PEAK3: variants seen among roughly 807,000 people sequenced by gnomAD.
PEAK3 encodes the protein PEAK family member 3.
In PEAK3, 15 loss-of-function variants were observed where a neutral mutation model predicts 13.3. The ratio of observed to expected loss-of-function variants is 1.13; its 90% CI spans 0.75 to 1.73. The LOEUF (loss-of-function observed/expected upper bound fraction) is 1.73, where lower values mean the gene tolerates loss of function less well. Among genes scored for constraint, PEAK3 ranks in the 40% most tolerant of loss-of-function variants. PEAK3 has a pLI of 0.00. For missense variants in PEAK3, 739 were observed against 690.2 expected (o/e 1.07, Z -0.79); for synonymous variants, 347 against 341.9 (o/e 1.01, Z -0.17).
chr19:2,277,225 G>A (rs1019977756), intron 3 of PEAK3, among the ~76,000 whole-genome samples: 1 of 152,162 alleles, frequency 6.6e-6, no homozygotes, highest in Admixed American at 6.5e-5. Context: ...ATTCCCCAGT[G>A]TTGGAGGTGG....
At position 2,275,763 on chromosome 19, in the gene PEAK3, G is replaced by C. The variant is rs1339272035; in HGVS notation, c.1339C>G (p.Leu447Val). The part of the protein sequence containing the change: ...ERAAGGEAPS[L>V]EDWLCCEYLA... ...TATTCGCAACACAGCCAGTCCTCGA[G>C]GCTGGGAGCTTCCCCACCTGCGGCC... is the stretch of plus-strand genomic sequence containing the variant. Residue 447 changes from leucine to valine, a missense_variant, in exon 4 of 4, where the codon CTC becomes GTC. Transcript: ENST00000342063. The C allele has an allele frequency of 3.2e-6, 5 of 1,584,514 alleles. No homozygotes were observed. Among genetic ancestry groups the C allele is most frequent in the Non-Finnish European group, 4.3e-6 (5 of 1,168,772 alleles).
chr19:2,279,525 G>T (rs1030855328), intron 2 of PEAK3, among the ~76,000 whole-genome samples: 18 of 151,908 alleles, frequency 1.2e-4, no homozygotes, highest in Admixed American at 7.9e-4. Context: ...GCTTGGTGGT[G>T]GGCGCCTGTG....
chr19:2,280,053 C>CTTTT lies in PEAK3; in HGVS notation c.82+793_82+796dup, dbSNP rs34177687. Among the ~76,000 whole-genome samples, 6 of 36,846 alleles carry CTTTT rather than the reference C, an allele frequency of 1.6e-4. 2 individuals carry two copies. Among genetic ancestry groups the CTTTT allele is most frequent in the African/African-American group, 7.9e-4 (6 of 7,622 alleles). The allele number at this position is 36,846 out of a possible 152,430, so 24.2% of individuals were successfully genotyped here. On this transcript the variant is annotated intron_variant, in intron 2 of 3. Coordinates refer to ENST00000342063, the MANE Select transcript of PEAK3 (RefSeq NM_198532.3). The stretch of plus-strand genomic sequence containing the variant: ...ACAGGCTTGAACCATTGCACCTGGC[C>CTTTT]TTTTTTTTTTTTTTTTTTTTTTTTT...
At chr19:2,277,124 A>G (rs2025397468) in intron 3 of PEAK3, among the ~76,000 whole-genome samples, 1 of 152,156 alleles carries the variant, frequency 6.6e-6, no homozygotes, top group African/African-American at 2.4e-5. Context: ...CTTTAGAAAC[A>G]TGGTTTCCTG....
chr19:2,275,759 T>C lies in PEAK3; in HGVS notation c.1343A>G (p.Glu448Gly). ...RAAGGEAPSLEDWLCCEYLAE... is the reference protein window; with the variant it reads ...RAAGGEAPSLGDWLCCEYLAE... ...CAGGTATTCGCAACACAGCCAGTCC[T>C]CGAGGCTGGGAGCTTCCCCACCTGC... Residue 448 changes from glutamate (E) to glycine (G), a missense_variant, in exon 4 of 4, where the codon GAG becomes GGG. By Grantham distance (98) the Glu-to-Gly change is moderately conservative (BLOSUM62 -2). Transcript: ENST00000342063. 1 of 1,584,332 alleles carries C rather than the reference T, an allele frequency of 6.3e-7. No individual in the cohort carries two copies. The highest frequency in any genetic ancestry group is 8.6e-7 in the Non-Finnish European group (1 of 1,168,360).
Position 2,278,611 on chromosome 19 carries a change from C to G in PEAK3, c.585G>C (p.Glu195Asp), listed in dbSNP as rs767531722. Reference sequence around the variant, plus strand: ...TGGCGACCAGGATGTGCCAGGCGTCCTCGTGCGCGCGCACCACGCGGTAAT... The same window carrying G: ...TGGCGACCAGGATGTGCCAGGCGTCGTCGTGCGCGCGCACCACGCGGTAAT... ...ALYYRVVRAHEDAWHILVAKV... is the reference protein window; with the variant it reads ...ALYYRVVRAHDDAWHILVAKV... Residue 195 changes from glutamate to aspartate, a missense_variant, in exon 3 of 4, where the codon GAG becomes GAC. Physicochemically the swap from Glu to Asp is conservative, Grantham distance 45 (BLOSUM62 2). Transcript: ENST00000342063. 1 of 1,486,792 alleles carries G rather than the reference C, an allele frequency of 6.7e-7. No homozygotes were observed. The highest frequency in any genetic ancestry group is 8.9e-7 in the Non-Finnish European group (1 of 1,117,986). The allele number at this position is 1,486,792 out of a possible 1,614,324, so 92.1% of individuals were successfully genotyped here.
In PEAK3 at chr19:2,276,029, G is replaced by T; in HGVS notation, c.1073C>A (p.Ala358Glu). ...HAPQLGSLLR[A>E]LLSLAAPSTT... ...CGAGGGCGCAGCAAGGCTGAGCAGC[G>T]CTCGGAGGAGGCTGCCCAGCTGCGG... The change falls in exon 4 of 4, where the codon GCG becomes GAG. Residue 358 changes from alanine to glutamate, a missense_variant. Transcript: ENST00000342063. The T allele has an allele frequency of 7.0e-7, 1 of 1,434,728 alleles. No individual in the cohort carries two copies. Among genetic ancestry groups the T allele is most frequent in the Non-Finnish European group, 9.1e-7 (1 of 1,098,294 alleles). 88.9% of individuals were successfully genotyped at this position (1,434,728 alleles called of 1,614,324 possible).
chr19:2,276,457 C>A lies in PEAK3; in HGVS notation c.645G>T (p.Pro215=). ...VPKPGADVPH[P]WGLELQASLS... ...GGGAGGCCTGCAGCTCCAGGCCCCA[C>A]GGGTGGGGCACGTCCGCCCCGGGCT... The change falls in exon 4 of 4, where the codon CCG becomes CCT. Residue 215 remains proline, a synonymous_variant. Transcript: ENST00000342063. 1 of 1,572,888 alleles carries A rather than the reference C, an allele frequency of 6.4e-7. No homozygotes were observed.
In PEAK3 at chr19:2,275,801, C is replaced by T. The variant is rs374785656; in HGVS notation, c.1301G>A (p.Arg434His). ...LRVRRGLLVL[R>H]LAERAAGGEA... ...CCCACCTGCGGCCCGCTCTGCTAGG[C>T]GCAGGACCAGCAGCCCGCGGCGCAC... The change falls in exon 4 of 4, where the codon CGC (arginine) becomes CAC (histidine). Residue 434 changes from arginine (R) to histidine (H), a missense_variant. Transcript: ENST00000342063. 4 of 1,553,488 alleles carry T rather than the reference C, an allele frequency of 2.6e-6. No homozygotes were observed. The highest frequency in any genetic ancestry group is 2.8e-5 in the African/African-American group (2 of 71,686).
intron 2 of PEAK3, among the ~76,000 whole-genome samples, chr19:2,280,397 A>G (rs1189234257): frequency 6.6e-6 from 1 of 150,502 alleles, no homozygotes; most frequent in Non-Finnish European, 1.5e-5. Context: ...AATGGTATAT[A>G]TTTTTTTCTA....
At position 2,276,011 on chromosome 19, in the gene PEAK3, G is replaced by T; in HGVS notation, c.1091C>A (p.Ala364Glu). Residue 364 changes from alanine (A) to glutamate (E), a missense_variant, in exon 4 of 4, where the codon GCG becomes GAG. Transcript: ENST00000342063. ...CGCGGCCAAAGGCGTGGTCGAGGGCGCAGCAAGGCTGAGCAGCGCTCGGAG... is the reference window on the plus strand; with the variant it reads ...CGCGGCCAAAGGCGTGGTCGAGGGCTCAGCAAGGCTGAGCAGCGCTCGGAG... ...SLLRALLSLA[A>E]PSTTPLAAGL... The T allele has an allele frequency of 7.1e-7, 1 of 1,415,442 alleles. No homozygotes were observed. Among genetic ancestry groups the T allele is most frequent in the South Asian group, 1.5e-5 (1 of 66,566 alleles). The allele number at this position is 1,415,442 out of a possible 1,614,324, so 87.7% of individuals were successfully genotyped here.
rs1327133289 is a variant in PEAK3, at chr19:2,282,070, C to T, written c.-5+17G>A. 1 of 152,664 alleles carries T rather than the reference C, an allele frequency of 6.6e-6. No homozygotes were observed. Among genetic ancestry groups the T allele is most frequent in the Non-Finnish European group, 1.5e-5 (1 of 68,352 alleles). 9.5% of individuals were successfully genotyped at this position (152,664 alleles called of 1,614,324 possible). On this transcript the variant is annotated intron_variant, in intron 1 of 3. Coordinates refer to ENST00000342063, the MANE Select transcript of PEAK3 (RefSeq NM_198532.3). ...GTGGCCGCTTCTGTCCAGCTCCCCG[C>T]TCCAGGAGCCCCCTACCTTCAAGAC...
At chr19:2,279,358 A>G (rs1599159126) in intron 2 of PEAK3, among the ~76,000 whole-genome samples, 1 of 152,098 alleles carries the variant, frequency 6.6e-6, no homozygotes, top group Non-Finnish European at 1.5e-5. Context: ...AAAATTTTTT[A>G]AAAATTTGCC....
intron 2 of PEAK3, among the ~76,000 whole-genome samples, chr19:2,280,356 G>A (rs973148264): frequency 6.6e-5 from 10 of 151,754 alleles, no homozygotes; most frequent in African/African-American, 2.4e-4. Flanking sequence ...TTACAGGCAT[G>A]AGTTACCGTG....
Position 2,280,926 on chromosome 19 carries a change from G to A in PEAK3, c.6C>T (p.Ser2=). ...GGGGCTCTGTGGGGGGCTCCGGGCT[G>A]CTCATGTTGCTGGGGAAAGGTCAAA... is the stretch of plus-strand genomic sequence containing the variant. M[S]SPEPPTEPPE... The change falls in exon 2 of 4, where the codon AGC becomes AGT. Residue 2 remains serine, a synonymous_variant. Transcript: ENST00000342063. 1 of 1,556,936 alleles carries A rather than the reference G, an allele frequency of 6.4e-7. No individual in the cohort carries two copies. Among genetic ancestry groups the A allele is most frequent in the Non-Finnish European group, 8.7e-7 (1 of 1,151,418 alleles).
In PEAK3 at chr19:2,278,621, C is replaced by T. The variant is rs144004757; in HGVS notation, c.575G>A (p.Arg192His). 1.1e-4 allele frequency: 157 copies of T among 1,494,958 alleles called. No homozygotes were observed. The highest frequency in any genetic ancestry group is 3.0e-4 in the South Asian group (22 of 72,756). 92.6% of individuals were successfully genotyped at this position (1,494,958 alleles called of 1,614,324 possible). A position where few individuals can be genotyped will look rare whatever the true frequency, so the allele number is the denominator to read the frequency against. ...GATGTGCCAGGCGTCCTCGTGCGCG[C>T]GCACCACGCGGTAATACAGGGCGTC... Reference protein sequence around the residue: ...SGDALYYRVVRAHEDAWHILV... With the variant: ...SGDALYYRVVHAHEDAWHILV... Residue 192 changes from arginine to histidine, a missense_variant, in exon 3 of 4, where the codon CGC (arginine) becomes CAC (histidine). Coordinates refer to ENST00000342063, the MANE Select transcript of PEAK3 (RefSeq NM_198532.3).
At chr19:2,279,227 G>A (rs367888975) in intron 2 of PEAK3, 114 bp from the exon 3 acceptor site, 21 of 890,436 alleles carry the variant, frequency 2.4e-5, no homozygotes, top group East Asian at 2.2e-4. Flanking sequence ...AATGAGGCTG[G>A]GCGCCGGTGG....
At chr19:2,278,371 G>C (rs1159766889) in intron 3 of PEAK3, among the ~76,000 whole-genome samples, 2 of 122,632 alleles carry the variant, frequency 1.6e-5, no homozygotes, top group South Asian at 4.8e-4. Context: ...ATGTTGGCCA[G>C]GCTGGTCTTG....
Position 2,276,228 on chromosome 19 carries a change from G to T in PEAK3, c.874C>A (p.Leu292Met). The T allele has an allele frequency of 1.3e-6, 2 of 1,578,248 alleles. No individual in the cohort carries two copies. Residue 292 changes from leucine to methionine, a missense_variant, in exon 4 of 4, where the codon CTG (leucine) becomes ATG (methionine). Transcript: ENST00000342063. ...GCGCCCCACGCCTCCAGGAACTTCA[G>T]GGCCGCGCTCAGCTGCAGCAGCAGC... ...ALLLLQLSAA[L>M]KFLEAWGAAL...
Sources: allele counts gnomAD v4.1 joint callset (sites outside exome capture counted in the v4.1 genomes callset), GRCh38; gene constraint gnomAD v4.1.1; transcripts MANE v1.5; gene names NCBI Gene and HGNC (gene_info 2026-07-23, HGNC 2026-07-21).